RPTOR: variants seen among roughly 807,000 people sequenced by gnomAD.
RPTOR encodes the protein regulatory-associated protein of mTOR.
RPTOR carries 21 observed loss-of-function variants against 169.9 expected under a neutral mutation model. That is an observed-to-expected ratio of 0.12 (90% CI 0.09 to 0.18). RPTOR has a LOEUF of 0.18. RPTOR is among the 10% of genes least tolerant of loss of function. The pLI, the probability that RPTOR is intolerant of heterozygous loss-of-function variation, is 1.00. For synonymous variants in RPTOR, 732 were observed against 753.2 expected (o/e 0.97, Z 0.46); for missense variants, 1,133 against 1,855.9 (o/e 0.61, Z 7.16).
At chr17:80,838,567 A>G (rs112505176) in intron 10 of RPTOR, among the ~76,000 whole-genome samples, 2 of 152,260 alleles carry the variant, frequency 1.3e-5, no homozygotes, top group African/African-American at 4.8e-5. Context: ...GTGAGGCGCC[A>G]AGTCTGAAAA....
intron 17 of RPTOR, among the ~76,000 whole-genome samples, chr17:80,889,305 A>C (rs764988578): frequency 6.6e-6 from 1 of 152,198 alleles, no homozygotes; most frequent in Non-Finnish European, 1.5e-5. Context: ...TGGACTCTGA[A>C]GGTGGGGAGC....
At chr17:80,842,444 G>A (rs560764716) in intron 10 of RPTOR, among the ~76,000 whole-genome samples, 17 of 151,996 alleles carry the variant, frequency 1.1e-4, no homozygotes, top group African/African-American at 3.4e-4. Flanking sequence ...CACATTTCTC[G>A]GAGTGATCCT....
intron 4 of RPTOR, among the ~76,000 whole-genome samples, chr17:80,723,412 GTTGT>G (rs1278474675): frequency 6.6e-6 from 1 of 151,078 alleles, no homozygotes; most frequent in Non-Finnish European, 1.5e-5. Context: ...TGCTTCTCTT[GTTGT>G]TTATTTACTT....
chr17:80,960,685 C>G lies in RPTOR; in HGVS notation c.3605+480C>G, dbSNP rs2069325088. ...GAGCACCCCTGTGGGCAGGTGCTGT[C>G]CGCGTCTGGCAGAGGACAGGGTACA... On this transcript the variant is annotated intron_variant, in intron 30 of 33. Transcript: ENST00000306801. The surrounding 1 kb of genome is among the most constrained non-coding windows in gnomAD (Gnocchi z 4.8). The G allele has an allele frequency of 5.0e-6, 1 of 199,298 alleles. No homozygotes were observed. The allele number at this position is 199,298 out of a possible 1,614,324, so 12.3% of individuals were successfully genotyped here.
At chr17:80,771,829 G>C in intron 6 of RPTOR, among the ~76,000 whole-genome samples, 1 of 152,146 alleles carries the variant, frequency 6.6e-6, no homozygotes, top group East Asian at 1.9e-4. Context: ...GTTGCTGCTG[G>C]ATCTGACGTG....
intron 3 of RPTOR, among the ~76,000 whole-genome samples, chr17:80,700,502 A>G (rs1175978930): frequency 5.0e-5 from 5 of 100,970 alleles, no homozygotes; most frequent in Admixed American, 1.0e-4. Flanking sequence ...GATGGTAGAG[A>G]TGATGGTGAT....
intron 9 of RPTOR, among the ~76,000 whole-genome samples, chr17:80,835,594 G>A (rs999976476): frequency 1.3e-5 from 2 of 152,190 alleles, no homozygotes; most frequent in African/African-American, 4.8e-5. Context: ...AACTCTGTGA[G>A]GGCCACCACG....
chr17:80,761,915 A>G (rs1452260365), intron 6 of RPTOR, among the ~76,000 whole-genome samples: 1 of 152,210 alleles, frequency 6.6e-6, no homozygotes, highest in Non-Finnish European at 1.5e-5. Context: ...CCCACTCTGT[A>G]TCTTAGACCT....
At chr17:80,640,163 C>A (rs1430010642) in intron 2 of RPTOR, among the ~76,000 whole-genome samples, 1 of 152,152 alleles carries the variant, frequency 6.6e-6, no homozygotes, top group East Asian at 1.9e-4. Flanking sequence ...TCAATTTACC[C>A]ACACACTCAC....
At chr17:80,914,689 GC>G (rs35477815) in intron 21 of RPTOR, among the ~76,000 whole-genome samples, 50,174 of 152,220 alleles carry the variant, frequency 0.33, 8,414 homozygotes, top group East Asian at 0.45. Context: ...TGCTATGTCA[GC>G]CCCCTCTGGA....
chr17:80,874,670 T>C (rs189843401), intron 13 of RPTOR, among the ~76,000 whole-genome samples: 4 of 152,222 alleles, frequency 2.6e-5, no homozygotes, highest in African/African-American at 9.6e-5. Context: ...TAAACAGAAA[T>C]CCCTGCTTCG....
At chr17:80,825,037 G>A (rs1019451892) in intron 9 of RPTOR, among the ~76,000 whole-genome samples, 3 of 150,032 alleles carry the variant, frequency 2.0e-5, no homozygotes, top group East Asian at 2.0e-4. Context: ...TAGAGGCCGC[G>A]TGGCGAGGCC....
chr17:80,758,630 T>A (rs144413329), intron 6 of RPTOR, among the ~76,000 whole-genome samples: 192 of 152,226 alleles, frequency 1.3e-3, no homozygotes, highest in African/African-American at 4.4e-3. Flanking sequence ...CTGGAGCTTC[T>A]GTAGACGCAC....
At chr17:80,910,924 A>G (rs1468586207) in intron 21 of RPTOR, among the ~76,000 whole-genome samples, 1 of 150,302 alleles carries the variant, frequency 6.7e-6, no homozygotes, top group Non-Finnish European at 1.5e-5. Context: ...TCCGCCTCCC[A>G]GGTTCAAGCA....
chr17:80,571,296 A>G (rs1409383309), intron 1 of RPTOR, among the ~76,000 whole-genome samples: 1 of 152,196 alleles, frequency 6.6e-6, no homozygotes, highest in Non-Finnish European at 1.5e-5. Context: ...GGTCCTTTCT[A>G]GTCTGATTTG....
intron 7 of RPTOR, among the ~76,000 whole-genome samples, chr17:80,807,878 C>T (rs955447661): frequency 6.6e-6 from 1 of 152,170 alleles, no homozygotes; most frequent in Non-Finnish European, 1.5e-5. Flanking sequence ...TGTTACAACT[C>T]TTTAAAAATG....
intron 28 of RPTOR, among the ~76,000 whole-genome samples, chr17:80,950,323 G>C (rs1222312125): frequency 1.3e-5 from 2 of 152,142 alleles, no homozygotes; most frequent in Non-Finnish European, 2.9e-5. Context: ...GTGGCCTGTG[G>C]ATGTGGCCTT....
At chr17:80,829,621 C>A (rs554380584) in intron 9 of RPTOR, among the ~76,000 whole-genome samples, 1 of 152,180 alleles carries the variant, frequency 6.6e-6, no homozygotes, top group Non-Finnish European at 1.5e-5. Flanking sequence ...TGCCTCGGCT[C>A]CCAGCATGGG....
chr17:80,895,198 G>T (rs567570808), intron 20 of RPTOR, among the ~76,000 whole-genome samples: 5 of 152,272 alleles, frequency 3.3e-5, no homozygotes, highest in African/African-American at 1.2e-4. Context: ...GCTCTGCTGG[G>T]CCCCAGCCTA....
Sources: gnomAD v4.1 joint callset for allele counts (sites outside exome capture counted in the v4.1 genomes callset) on GRCh38, gnomAD v4.1.1 for gene constraint, Gnocchi (gnomAD v3.1) non-coding constraint, MANE v1.5 for transcripts, NCBI Gene and HGNC (gene_info 2026-07-23, HGNC 2026-07-21) for gene names.